DACH1: variants seen among roughly 807,000 people sequenced by gnomAD.
DACH1 encodes dachshund family transcription factor 1.
A neutral mutation model predicts 54.2 loss-of-function variants in DACH1; 12 were observed. The ratio of observed to expected loss-of-function variants is 0.22; its 90% CI spans 0.14 to 0.36. The LOEUF (loss-of-function observed/expected upper bound fraction) is 0.36. DACH1 is among the 10% of genes least tolerant of loss of function. DACH1 has a pLI of 1.00. For missense variants in DACH1, 805 were observed against 929.8 expected, an observed-to-expected ratio of 0.87 and a Z score of 1.75; for synonymous variants, 386 against 366.2, an observed-to-expected ratio of 1.05 and a Z score of -0.62.
At chr13:71,738,668 G>A (rs545085190) in intron 1 of DACH1, among the ~76,000 whole-genome samples, 6 of 129,820 alleles carry the variant, frequency 4.6e-5, no homozygotes, top group Admixed American at 9.5e-5. Flanking sequence ...GGAGGCAGAG[G>A]TTGCAATGAG....
intron 3 of DACH1, among the ~76,000 whole-genome samples, chr13:71,612,840 C>T (rs188419953): frequency 1.4e-4 from 21 of 152,294 alleles, no homozygotes; most frequent in African/African-American, 4.8e-4. Flanking sequence ...ATGAATAAGA[C>T]AGCCTGTAGT....
At chr13:71,496,838 T>G (rs1455259720) in intron 6 of DACH1, among the ~76,000 whole-genome samples, 2 of 152,236 alleles carry the variant, frequency 1.3e-5, no homozygotes, top group African/African-American at 4.8e-5. Flanking sequence ...TCTATGCTGA[T>G]GCATATAAAA....
At chr13:71,585,198 G>C (rs1873145306) in intron 3 of DACH1, among the ~76,000 whole-genome samples, 1 of 148,890 alleles carries the variant, frequency 6.7e-6, no homozygotes, top group Admixed American at 6.8e-5. Flanking sequence ...ACTACAGGGA[G>C]GTTGAAAAAA....
At chr13:71,561,591 A>G (rs564144903) in intron 4 of DACH1, among the ~76,000 whole-genome samples, 7 of 152,120 alleles carry the variant, frequency 4.6e-5, no homozygotes, top group Non-Finnish European at 1.0e-4. Flanking sequence ...TGAACTCCTG[A>G]TTTTGAACTT....
intron 3 of DACH1, among the ~76,000 whole-genome samples, chr13:71,613,009 G>A (rs926345585): frequency 3.9e-5 from 6 of 152,320 alleles, no homozygotes; most frequent in Middle Eastern, 6.8e-3. Flanking sequence ...CAGGAAGGAC[G>A]ATGGTTATGA....
At chr13:71,477,188 T>C (rs1209709201) in intron 8 of DACH1, among the ~76,000 whole-genome samples, 4 of 141,950 alleles carry the variant, frequency 2.8e-5, no homozygotes, top group Non-Finnish European at 6.0e-5. Flanking sequence ...TGGCGCGATC[T>C]TGGCTCACTG....
rs1873421016 is a variant in DACH1, at chr13:71,588,195, C to G, written c.1127-15183G>C. ...ATTAAAGATGTGGATATGAATTTTT[C>G]TTTGTCATGAAAATACTGCAGCTTT... is the stretch of plus-strand genomic sequence containing the variant. On this transcript the variant is annotated intron_variant, in intron 3 of 10. Coordinates refer to ENST00000613252, the MANE Select transcript of DACH1 (RefSeq NM_080759.6). Among the ~76,000 whole-genome samples the G allele has an allele frequency of 3.3e-5, 5 of 152,138 alleles. No homozygotes were observed. In the South Asian group the frequency reaches 1.0e-3, roughly 31 times the overall value.
At chr13:71,626,975 G>A (rs902909992) in intron 3 of DACH1, among the ~76,000 whole-genome samples, 4 of 151,956 alleles carry the variant, frequency 2.6e-5, no homozygotes, top group African/African-American at 9.7e-5. Flanking sequence ...CCAATTGATT[G>A]TGGATGAGGG....
chr13:71,780,239 A>C (rs1952292484), intron 1 of DACH1, among the ~76,000 whole-genome samples: 2 of 152,172 alleles, frequency 1.3e-5, no homozygotes, highest in South Asian at 4.1e-4. Context: ...AGAGCTTGGC[A>C]AGTTGAGGGA....
At chr13:71,703,918 T>A (rs527403468) in intron 1 of DACH1, among the ~76,000 whole-genome samples, 1 of 152,270 alleles carries the variant, frequency 6.6e-6, no homozygotes, top group African/African-American at 2.4e-5. Context: ...TCCAAGACCG[T>A]CTGTCCAAGT....
intron 1 of DACH1, among the ~76,000 whole-genome samples, chr13:71,693,179 G>GCCATAA (rs2138728711): frequency 6.6e-6 from 1 of 151,662 alleles, no homozygotes; most frequent in African/African-American, 2.4e-5. Flanking sequence ...AAATAAAGCA[G>GCCATAA]CCATAACCAT....
intron 2 of DACH1, among the ~76,000 whole-genome samples, chr13:71,639,532 A>AT (rs1877742238): frequency 1.3e-5 from 2 of 152,234 alleles, no homozygotes; most frequent in South Asian, 4.1e-4. Flanking sequence ...AACCCCACTA[A>AT]TTTGGAGATA....
intron 7 of DACH1, among the ~76,000 whole-genome samples, chr13:71,483,471 T>C (rs1321361995): frequency 6.8e-6 from 1 of 146,276 alleles, no homozygotes; most frequent in Admixed American, 6.9e-5. Flanking sequence ...AAATAATACC[T>C]TATAATAAAT....
chr13:71,729,449 T>C (rs1467096439), intron 1 of DACH1, among the ~76,000 whole-genome samples: 1 of 152,040 alleles, frequency 6.6e-6, no homozygotes, highest in African/African-American at 2.4e-5. Context: ...AGCATCAACA[T>C]GGCAATGACC....
At chr13:71,821,645 T>C (rs1038750697) in intron 1 of DACH1, among the ~76,000 whole-genome samples, 1 of 152,140 alleles carries the variant, frequency 6.6e-6, no homozygotes, top group African/African-American at 2.4e-5. Context: ...TACAGTTCTA[T>C]TTTTTAAGTT....
At chr13:71,537,737 G>T (rs1354018946) in intron 6 of DACH1, among the ~76,000 whole-genome samples, 1 of 151,848 alleles carries the variant, frequency 6.6e-6, no homozygotes, top group Non-Finnish European at 1.5e-5. Context: ...TCTCAAATTT[G>T]TCTTCTCCAT....
chr13:71,665,190 G>A (rs1460112631), intron 2 of DACH1, among the ~76,000 whole-genome samples: 1 of 151,782 alleles, frequency 6.6e-6, no homozygotes, highest in African/African-American at 2.4e-5. Context: ...TATTAGTACT[G>A]CATTATTTAG....
chr13:71,461,944 A>G (rs758772868), intron 10 of DACH1, among the ~76,000 whole-genome samples: 112 of 151,970 alleles, frequency 7.4e-4, no homozygotes, highest in Non-Finnish European at 1.4e-3. Flanking sequence ...CTAAATGTAA[A>G]TGTTAAACCA....
chr13:71,746,004 G>A (rs1237315614), intron 1 of DACH1, among the ~76,000 whole-genome samples: 1 of 152,198 alleles, frequency 6.6e-6, no homozygotes, highest in Non-Finnish European at 1.5e-5. Flanking sequence ...TGGATCACGA[G>A]GTCAAGAGAT....
Sources: allele counts gnomAD v4.1 joint callset (sites outside exome capture counted in the v4.1 genomes callset), GRCh38; gene constraint gnomAD v4.1.1; transcripts MANE v1.5; gene names NCBI Gene and HGNC (gene_info 2026-07-23, HGNC 2026-07-21).